The following KLF7 variants were observed in gnomAD, a reference collection of about 807,000 sequenced individuals.
KLF7 encodes Krueppel-like factor 7.
A neutral mutation model predicts 27.3 loss-of-function variants in KLF7; 2 were observed. The ratio of observed to expected loss-of-function variants is 0.07; its 90% CI spans 0.03 to 0.23. The LOEUF is 0.23. KLF7 is among the 10% of genes least tolerant of loss of function. The probability of loss-of-function intolerance (pLI) is 1.00; values close to 1 mark genes in which losing one functional copy is unlikely to be tolerated. For synonymous variants in KLF7, 165 were observed against 162.4 expected (o/e 1.02, Z -0.12); for missense variants, 221 against 394.1 (o/e 0.56, Z 3.72).
At chr2:207,123,716 A>G in intron 2 of KLF7, 58 bp downstream of exon 2, 2 of 1,547,102 alleles carry the variant, frequency 1.3e-6, no homozygotes, top group Non-Finnish European at 1.7e-6. Context: ...GCCCTCCCAC[A>G]TGACGAGGCT....
intron 1 of KLF7, among the ~76,000 whole-genome samples, chr2:207,141,062 A>C (rs1415617716): frequency 1.3e-5 from 2 of 152,188 alleles, no homozygotes; most frequent in Non-Finnish European, 2.9e-5. Flanking sequence ...CAAGAAACCA[A>C]AAGTATTAGT....
intron 1 of KLF7, among the ~76,000 whole-genome samples, chr2:207,158,280 C>T (rs1311979820): frequency 6.6e-6 from 1 of 152,160 alleles, no homozygotes; most frequent in Non-Finnish European, 1.5e-5. Context: ...TTTTCCTTTC[C>T]TCATTAGGGA....
chr2:207,119,212 GA>G (rs1045756497), intron 2 of KLF7, among the ~76,000 whole-genome samples: 1 of 152,118 alleles, frequency 6.6e-6, no homozygotes, highest in African/African-American at 2.4e-5. Context: ...AAGAATCAAA[GA>G]TCTAATGACA....
intron 1 of KLF7, among the ~76,000 whole-genome samples, chr2:207,161,490 C>G (rs1250457847): frequency 6.6e-6 from 1 of 152,176 alleles, no homozygotes; most frequent in Non-Finnish European, 1.5e-5. Flanking sequence ...TGAGGCAAAC[C>G]TACGGATGGA....
At chr2:207,166,236 G>T, upstream of KLF7, 2 of 953,952 alleles carry the variant, frequency 2.1e-6, no homozygotes, top group Non-Finnish European at 2.5e-6. Flanking sequence ...GGACCAATGG[G>T]GAGCCCGGAG....
At chr2:207,167,407 C>T (rs771166262), upstream of KLF7, 14 of 299,306 alleles carry the variant, frequency 4.7e-5, no homozygotes, top group East Asian at 2.1e-4. Context: ...AAACTTCGTT[C>T]TACCAGTAAT....
chr2:207,167,019 T>A, upstream of KLF7: 1 of 851,736 alleles, frequency 1.2e-6, no homozygotes, highest in Non-Finnish European at 1.5e-6. Flanking sequence ...GCGGCTAGAG[T>A]TGATTGCAAG....
intron 2 of KLF7, chr2:207,121,408 T>C (rs2077337372): frequency 6.6e-6 from 1 of 152,228 alleles, no homozygotes; most frequent in Non-Finnish European, 1.5e-5. Context: ...TTACTATCTA[T>C]CAGGTATTTG....
intron 2 of KLF7, among the ~76,000 whole-genome samples, chr2:207,112,807 T>C (rs1195607219): frequency 6.6e-6 from 1 of 152,246 alleles, no homozygotes; most frequent in Non-Finnish European, 1.5e-5. Flanking sequence ...GTAATTACCT[T>C]TTTACCTGTT....
chr2:207,102,296 C>A (rs2105911899), intron 2 of KLF7, among the ~76,000 whole-genome samples: 1 of 152,184 alleles, frequency 6.6e-6, no homozygotes, highest in Admixed American at 6.5e-5. Context: ...GTACTGAACT[C>A]ACAGCTACAA....
At chr2:207,101,819 G>T (rs974281140) in intron 2 of KLF7, among the ~76,000 whole-genome samples, 1 of 152,180 alleles carries the variant, frequency 6.6e-6, no homozygotes, top group Non-Finnish European at 1.5e-5. Flanking sequence ...CTCTAGAAGA[G>T]ACTATCATAT....
chr2:207,117,498 A>G (rs1440278716), intron 2 of KLF7, among the ~76,000 whole-genome samples: 1 of 152,186 alleles, frequency 6.6e-6, no homozygotes, highest in Non-Finnish European at 1.5e-5. Context: ...ATCGGGGTTT[A>G]ATGAGTTTCT....
intron 1 of KLF7, among the ~76,000 whole-genome samples, chr2:207,141,630 T>C (rs1232875032): frequency 2.6e-5 from 4 of 152,152 alleles, no homozygotes; most frequent in African/African-American, 7.2e-5. Flanking sequence ...CCCAAATCTT[T>C]TGGGGTTTAT....
Position 207,080,751 on chromosome 2 carries a change from A to G in KLF7, c.*462T>C, listed in dbSNP as rs955130885. On this transcript the variant is annotated 3_prime_UTR_variant, in exon 4 of 4. Transcript: ENST00000309446. ...ATTTAAAAAGAAACATTAGTGCTAC[A>G]CATATGCAACTTTAAGATGCTGGAT... The G allele has an allele frequency of 1.2e-4, 50 of 400,206 alleles. No individual in the cohort carries two copies. Among genetic ancestry groups the G allele is most frequent in the Admixed American group, 2.2e-4 (5 of 22,972 alleles). 24.8% of individuals were successfully genotyped at this position (400,206 alleles called of 1,614,324 possible).
intron 2 of KLF7, among the ~76,000 whole-genome samples, chr2:207,098,965 A>C (rs753120657): frequency 2.6e-5 from 4 of 151,938 alleles, no homozygotes; most frequent in African/African-American, 4.8e-5. Context: ...TTCAGAATGA[A>C]GAGAAAAAAA....
chr2:207,167,027 A>G (rs574411361), upstream of KLF7: 307 of 925,976 alleles, frequency 3.3e-4, 8 homozygotes, highest in South Asian at 9.8e-3. Flanking sequence ...AGTTGATTGC[A>G]AGGGGCCTGT....
intron 2 of KLF7, among the ~76,000 whole-genome samples, chr2:207,108,736 A>T (rs981884495): frequency 2.0e-5 from 3 of 152,206 alleles, no homozygotes; most frequent in Non-Finnish European, 2.9e-5. Context: ...CAATGAATAG[A>T]TTTACAATTC....
chr2:207,088,896 C>T (rs1034197219), intron 2 of KLF7, among the ~76,000 whole-genome samples: 7 of 152,106 alleles, frequency 4.6e-5, no homozygotes, highest in Non-Finnish European at 5.9e-5. Flanking sequence ...TATTTATTTT[C>T]GATTCCCCGG....
upstream of KLF7, among the ~76,000 whole-genome samples, chr2:207,169,176 T>G (rs1011861566): frequency 1.4e-4 from 22 of 152,310 alleles, no homozygotes; most frequent in African/African-American, 5.3e-4. Flanking sequence ...AAGTATTGCC[T>G]TGGGAGGTGT....
Sources: gnomAD v4.1 joint callset for allele counts (sites outside exome capture counted in the v4.1 genomes callset) on GRCh38, gnomAD v4.1.1 for gene constraint, MANE v1.5 for transcripts, NCBI Gene and HGNC (gene_info 2026-07-23, HGNC 2026-07-21) for gene names.